DLG2: variants seen among roughly 807,000 people sequenced by gnomAD.
DLG2 encodes the protein discs large MAGUK scaffold protein 2, also known as disks large homolog 2.
DLG2 carries 45 observed loss-of-function variants against 132.5 expected under a neutral mutation model. That is an observed-to-expected ratio of 0.34 (90% CI 0.27 to 0.44). The LOEUF is 0.44. DLG2 is among the 20% of genes least tolerant of loss of function. DLG2 has a pLI of 1.00. For synonymous variants in DLG2, 424 were observed against 419.6 expected (o/e 1.01, Z -0.13); for missense variants, 1,045 against 1,196.9 (o/e 0.87, Z 1.87).
intron 6 of DLG2, among the ~76,000 whole-genome samples, chr11:84,985,916 C>T (rs934584634): frequency 5.8e-5 from 8 of 137,202 alleles, no homozygotes; most frequent in South Asian, 2.5e-4. Context: ...CACTTGAATC[C>T]GGGACACGAA....
chr11:85,019,495 G>A (rs2059850824), intron 6 of DLG2, among the ~76,000 whole-genome samples: 2 of 151,948 alleles, frequency 1.3e-5, no homozygotes, highest in African/African-American at 2.4e-5. Context: ...TATACTTTAA[G>A]TTCTGGGGTA....
chr11:83,892,700 A>T (rs959872938), intron 15 of DLG2, among the ~76,000 whole-genome samples: 15 of 48,764 alleles, frequency 3.1e-4, no homozygotes, highest in Admixed American at 2.2e-3. Context: ...GCAAAGAATT[A>T]AAAAAAAAAA....
chr11:85,067,036 A>C (rs1266831469), intron 6 of DLG2, among the ~76,000 whole-genome samples: 1 of 151,738 alleles, frequency 6.6e-6, no homozygotes, highest in East Asian at 1.9e-4. Context: ...AGACAATCCC[A>C]TTACTGAGTA....
chr11:84,249,458 C>G lies in DLG2; in HGVS notation c.573+1780G>C, dbSNP rs1366307537. The stretch of plus-strand genomic sequence containing the variant: ...TAAGACTTCTAACTCTACAGCCAAG[C>G]TATCTGGATTGACTCTTGACTCTGC... On this transcript the variant is annotated intron_variant, in intron 8 of 27. Transcript: ENST00000376104. Among the ~76,000 whole-genome samples the G allele has an allele frequency of 2.0e-5, 3 of 152,294 alleles. No homozygotes were observed. The South Asian group carries it at 6.2e-4, about 32-fold the overall frequency.
chr11:84,886,294 G>A (rs1310160676), intron 6 of DLG2, among the ~76,000 whole-genome samples: 1 of 152,034 alleles, frequency 6.6e-6, no homozygotes, highest in Non-Finnish European at 1.5e-5. Context: ...GTCTTTTGGG[G>A]AGCAGAAAAG....
At chr11:83,686,693 T>C (rs1195947483) in intron 18 of DLG2, among the ~76,000 whole-genome samples, 4 of 152,238 alleles carry the variant, frequency 2.6e-5, no homozygotes, top group Non-Finnish European at 5.9e-5. Flanking sequence ...AATTTCTCAA[T>C]TATAACTTGT....
chr11:83,882,277 A>G (rs1176538463), intron 15 of DLG2, among the ~76,000 whole-genome samples: 2 of 152,210 alleles, frequency 1.3e-5, no homozygotes, highest in Admixed American at 1.3e-4. Context: ...TAAAAAAAAG[A>G]TGAAGGAACA....
intron 15 of DLG2, among the ~76,000 whole-genome samples, chr11:83,917,470 C>G (rs1447978608): frequency 1.3e-5 from 2 of 152,144 alleles, no homozygotes; most frequent in Non-Finnish European, 2.9e-5. Context: ...ATGAAAAAGA[C>G]TTTAACAAAA....
chr11:84,411,424 C>T (rs1183580800), intron 7 of DLG2, among the ~76,000 whole-genome samples: 1 of 152,176 alleles, frequency 6.6e-6, no homozygotes, highest in African/African-American at 2.4e-5. Context: ...CACAAATGGG[C>T]AGCAACATTT....
intron 6 of DLG2, among the ~76,000 whole-genome samples, chr11:84,847,890 C>T (rs776030671): frequency 6.6e-6 from 1 of 151,952 alleles, no homozygotes; most frequent in Non-Finnish European, 1.5e-5. Flanking sequence ...AGGAAGCTGA[C>T]AAAGTTTTCA....
At chr11:84,902,686 C>T (rs1193353628) in intron 6 of DLG2, among the ~76,000 whole-genome samples, 2 of 152,138 alleles carry the variant, frequency 1.3e-5, no homozygotes, top group African/African-American at 4.8e-5. Context: ...GCTATTCACA[C>T]CAGAGATGCA....
chr11:83,888,067 C>T (rs1367446458), intron 15 of DLG2, among the ~76,000 whole-genome samples: 28 of 145,194 alleles, frequency 1.9e-4, no homozygotes, highest in Non-Finnish European at 3.2e-4. Flanking sequence ...TCTCACCACT[C>T]CTGTTCAACA....
At chr11:84,159,020 T>C (rs1028224546) in intron 9 of DLG2, among the ~76,000 whole-genome samples, 5 of 152,246 alleles carry the variant, frequency 3.3e-5, no homozygotes, top group African/African-American at 9.6e-5. Flanking sequence ...AGAGGTTAAG[T>C]ATGTAGTTCA....
chr11:85,081,464 A>C (rs572047031), intron 6 of DLG2, among the ~76,000 whole-genome samples: 4 of 152,296 alleles, frequency 2.6e-5, no homozygotes, highest in Non-Finnish European at 4.4e-5. Flanking sequence ...GGCTGGCCAT[A>C]AAAACTAGAA....
intron 17 of DLG2, among the ~76,000 whole-genome samples, chr11:83,807,281 C>T (rs989199729): frequency 1.3e-5 from 2 of 152,154 alleles, no homozygotes; most frequent in African/African-American, 2.4e-5. Flanking sequence ...ATATTATAAG[C>T]ATCAGAAAAA....
intron 6 of DLG2, among the ~76,000 whole-genome samples, chr11:84,557,414 T>TTATATACACATATTAATA (rs1343079004): frequency 1.3e-4 from 20 of 152,286 alleles, no homozygotes; most frequent in African/African-American, 4.8e-4. Flanking sequence ...ATAAATTTGT[T>TTATATACACATATTAATA]TATATACACA....
In DLG2 at chr11:84,833,925, T is replaced by C. The variant is rs543253352; in HGVS notation, c.357+277736A>G. Among the ~76,000 whole-genome samples the C allele has an allele frequency of 4.6e-5, 7 of 151,752 alleles. No individual in the cohort carries two copies. The South Asian group carries it at 1.4e-3, about 31-fold the overall frequency. ...ATGTACATACTTGTAAAATTGGATGTCAAGGGAATGGGGCAAATATTTGTT... is the reference window on the plus strand; with the variant it reads ...ATGTACATACTTGTAAAATTGGATGCCAAGGGAATGGGGCAAATATTTGTT... On this transcript the variant is annotated intron_variant, in intron 6 of 27. Coordinates refer to ENST00000376104, the MANE Select transcript of DLG2 (RefSeq NM_001142699.3).
chr11:85,033,711 A>G (rs2061215207), intron 6 of DLG2, among the ~76,000 whole-genome samples: 1 of 152,198 alleles, frequency 6.6e-6, no homozygotes, highest in Non-Finnish European at 1.5e-5. Flanking sequence ...GTTCTTAAAT[A>G]TCTAATACAC....
At chr11:83,668,371 T>A (rs1235348296) in intron 18 of DLG2, among the ~76,000 whole-genome samples, 4 of 152,204 alleles carry the variant, frequency 2.6e-5, no homozygotes, top group Non-Finnish European at 5.9e-5. Flanking sequence ...CAAAAAGCTA[T>A]CAGTCCCAGG....
Sources: allele counts gnomAD v4.1 joint callset (sites outside exome capture counted in the v4.1 genomes callset), GRCh38; gene constraint gnomAD v4.1.1; transcripts MANE v1.5; gene names NCBI Gene and HGNC (gene_info 2026-07-23, HGNC 2026-07-21).